The following AGO4 variants were observed in gnomAD, a reference collection of about 807,000 sequenced individuals.
AGO4 encodes the protein protein argonaute-4.
Under a neutral mutation model 104.7 loss-of-function variants are expected in AGO4, and 33 were observed. The ratio of observed to expected loss-of-function variants is 0.32; its 90% CI spans 0.24 to 0.42. The LOEUF (loss-of-function observed/expected upper bound fraction) is 0.42. Ranked by LOEUF, AGO4 falls within the 10% of genes least tolerant of loss-of-function variation. The pLI, the probability that AGO4 is intolerant of heterozygous loss-of-function variation, is 1.00. For synonymous variants in AGO4, 331 were observed against 364.7 expected (o/e 0.91, Z 1.05); for missense variants, 711 against 1,083.4 (o/e 0.66, Z 4.83).
Position 35,853,725 on chromosome 1 carries a change from G to A in AGO4, c.*120G>A. On this transcript the variant is annotated 3_prime_UTR_variant, in exon 18 of 18. Transcript: ENST00000373210. ...CAGGTGGTCTTCTACCAGCAGCTCG[G>A]AATAGTTGCACTGAATCTATACTTT... is the stretch of plus-strand genomic sequence containing the variant. 1.3e-6 allele frequency: 1 copy of A among 756,716 alleles called. No individual in the cohort carries two copies. 46.9% of individuals were successfully genotyped at this position (756,716 alleles called of 1,614,324 possible).
rs1170160157 is a variant in AGO4, at chr1:35,832,039, G to C, written c.1117-18G>C. On this transcript the variant is annotated intron_variant, in intron 9 of 17. Coordinates refer to ENST00000373210, the MANE Select transcript of AGO4 (RefSeq NM_017629.4). Reference sequence around the variant, plus strand: ...TTACTCTCTGGTTTTTATATATGCAGGCTTTCCTGTTCTTTAGGTGAAGAG... The same window carrying C: ...TTACTCTCTGGTTTTTATATATGCACGCTTTCCTGTTCTTTAGGTGAAGAG... 6 of 1,608,088 alleles carry C rather than the reference G, an allele frequency of 3.7e-6. No individual in the cohort carries two copies. The highest frequency in any genetic ancestry group is 5.1e-6 in the Non-Finnish European group (6 of 1,178,442).
At chr1:35,825,599 T>C in intron 4 of AGO4, 80 bp from the exon 5 acceptor site, 1 of 1,534,822 alleles carries the variant, frequency 6.5e-7, no homozygotes, top group South Asian at 1.3e-5. Context: ...TCAAATTTGA[T>C]TTCAGCTCCC....
chr1:35,827,628 A>G (rs1406882116), intron 7 of AGO4, among the ~76,000 whole-genome samples: 2 of 152,130 alleles, frequency 1.3e-5, no homozygotes, highest in African/African-American at 2.4e-5. Context: ...TATTTTTGGT[A>G]GAGGTATTTA....
intron 17 of AGO4, among the ~76,000 whole-genome samples, chr1:35,852,464 T>C (rs12729689): frequency 6.6e-6 from 1 of 152,212 alleles, no homozygotes; most frequent in African/African-American, 2.4e-5. Context: ...AGTTATTATG[T>C]GTCCAAGGTT....
chr1:35,829,700 G>A (rs1644127241), intron 7 of AGO4, among the ~76,000 whole-genome samples: 1 of 151,728 alleles, frequency 6.6e-6, no homozygotes, highest in South Asian at 2.1e-4. Context: ...AGCTGGGCAT[G>A]GTGGCAGGCA....
chr1:35,822,772 A>C, intron 2 of AGO4, 90 bp from the exon 3 acceptor site: 2 of 1,522,418 alleles, frequency 1.3e-6, no homozygotes, highest in Non-Finnish European at 1.8e-6. Context: ...GTAATACTGA[A>C]CCGAATTTAA....
chr1:35,823,677 C>T (rs61776936), intron 3 of AGO4, among the ~76,000 whole-genome samples: 4 of 151,430 alleles, frequency 2.6e-5, no homozygotes, highest in Non-Finnish European at 5.9e-5. Context: ...GTGATCCACC[C>T]GCCTCAGCCT....
chr1:35,814,277 T>C (rs545566117), intron 1 of AGO4, among the ~76,000 whole-genome samples: 7 of 152,292 alleles, frequency 4.6e-5, no homozygotes, highest in Admixed American at 2.6e-4. Flanking sequence ...TTGCATTAGA[T>C]ATTGAGAAGA....
In AGO4 at chr1:35,821,638, CAAAG is replaced by C. The variant is rs1296190959; in HGVS notation, c.186-1221_186-1218del. Among the ~76,000 whole-genome samples, 4 of 152,234 alleles carry C rather than the reference CAAAG, an allele frequency of 2.6e-5. No homozygotes were observed. In the East Asian group the frequency reaches 5.8e-4, roughly 22 times the overall value. On this transcript the variant is annotated intron_variant, in intron 2 of 17. Coordinates refer to ENST00000373210, the MANE Select transcript of AGO4 (RefSeq NM_017629.4). Reference sequence around the variant, plus strand: ...GAGAAAAAGACTTTTATTCTAAAAACAAAGAAGCTATATTAATAATCTTTTTGGA... The same window carrying C: ...GAGAAAAAGACTTTTATTCTAAAAACAAGCTATATTAATAATCTTTTTGGA...
At chr1:35,824,500 A>C (rs1643963828) in intron 3 of AGO4, among the ~76,000 whole-genome samples, 1 of 151,714 alleles carries the variant, frequency 6.6e-6, no homozygotes, top group Non-Finnish European at 1.5e-5. Flanking sequence ...TATAACATAA[A>C]ATTTACTATT....
intron 13 of AGO4, among the ~76,000 whole-genome samples, chr1:35,837,091 G>T (rs1644331705): frequency 6.6e-6 from 1 of 151,904 alleles, no homozygotes; most frequent in Non-Finnish European, 1.5e-5. Context: ...TTGTTTGTTT[G>T]TTTTGTTTTG....
intron 7 of AGO4, among the ~76,000 whole-genome samples, chr1:35,829,287 T>C (rs988363981): frequency 4.6e-5 from 7 of 151,592 alleles, no homozygotes; most frequent in Admixed American, 4.6e-4. Context: ...TTATTTGTAT[T>C]ATACCATTGA....
At chr1:35,820,921 G>A (rs1643875233) in intron 2 of AGO4, among the ~76,000 whole-genome samples, 1 of 151,836 alleles carries the variant, frequency 6.6e-6, no homozygotes, top group Admixed American at 6.6e-5. Context: ...TTCAAGGGAA[G>A]TATTATTATT....
Position 35,808,359 on chromosome 1 carries a change from G to GGCT in AGO4, c.-56_-55insTGC. 1 of 996,322 alleles carries GGCT rather than the reference G, an allele frequency of 1.0e-6. No individual in the cohort carries two copies. Among genetic ancestry groups the GGCT allele is most frequent in the Non-Finnish European group, 1.2e-6 (1 of 833,090 alleles). 61.7% of individuals were successfully genotyped at this position (996,322 alleles called of 1,614,324 possible). A position where few individuals can be genotyped will look rare whatever the true frequency, so the allele number is the denominator to read the frequency against. Reference sequence around the variant, plus strand: ...GTTACGCGGCGGCGGCGGCGGCGGCGGCGGGGCCCGGAGCGGGAGGCGCCG... The same window carrying GGCT: ...GTTACGCGGCGGCGGCGGCGGCGGCGGCTGCGGGGCCCGGAGCGGGAGGCGCCG... On this transcript the variant is annotated 5_prime_UTR_variant, in exon 1 of 18. Transcript: ENST00000373210. This position sits in a 1 kb window ranked among gnomAD's most constrained non-coding sequence, Gnocchi z 5.2.
At chr1:35,812,857 G>A (rs572610701) in intron 1 of AGO4, among the ~76,000 whole-genome samples, 1 of 152,154 alleles carries the variant, frequency 6.6e-6, no homozygotes, top group Non-Finnish European at 1.5e-5. Flanking sequence ...CTTCCAAAGT[G>A]CTGGGATTAC....
chr1:35,835,972 A>G lies in AGO4; in HGVS notation c.1703A>G (p.Asn568Ser), dbSNP rs777978612. Residue 568 changes from asparagine to serine, a missense_variant, in exon 13 of 18, where the codon AAT (asparagine) becomes AGT (serine). Physicochemically the swap from Asn to Ser is conservative, Grantham distance 46. Around this residue, in one of 3 missense-constraint regions of AGO4, gnomAD observed 401 missense variants for 665.5 expected, o/e 0.60. Coordinates refer to ENST00000373210, the MANE Select transcript of AGO4 (RefSeq NM_017629.4). Reference protein sequence around the residue: ...KINAKLGGINNVLVPHQRPSV... With the variant: ...KINAKLGGINSVLVPHQRPSV... ...AATGCAAAACTTGGAGGAATTAACA[A>G]TGTGCTTGTGCCTCATCAAAGGTAA... 16 of 1,613,980 alleles carry G rather than the reference A, an allele frequency of 9.9e-6. No individual in the cohort carries two copies. In the East Asian group the frequency reaches 1.1e-4, roughly 11 times the overall value.
chr1:35,844,083 C>G (rs920965722), intron 15 of AGO4, among the ~76,000 whole-genome samples: 2 of 152,112 alleles, frequency 1.3e-5, no homozygotes, highest in African/African-American at 4.8e-5. Context: ...CTCTGTCACC[C>G]AGGGTGGAGT....
rs934599979 is a variant in AGO4 at position 35,841,830 on chromosome 1, A to G, written c.2175+80A>G. On this transcript the variant is annotated intron_variant, in intron 15 of 17. Transcript: ENST00000373210. The surrounding 1 kb of genome is among the most constrained non-coding windows in gnomAD (Gnocchi z 4.7). ...TATGCACATATATATATATATATAT[A>G]TATATATACACCATTTTTATACAAT... is the stretch of plus-strand genomic sequence containing the variant. 23 of 839,596 alleles carry G rather than the reference A, an allele frequency of 2.7e-5. 1 individual carries two copies. The African/African-American group carries it at 3.1e-4, about 11-fold the overall frequency. The allele number at this position is 839,596 out of a possible 1,614,324, so 52.0% of individuals were successfully genotyped here. A position where few individuals can be genotyped will look rare whatever the true frequency, so the allele number is the denominator to read the frequency against.
intron 13 of AGO4, 102 bp downstream of exon 13, chr1:35,836,095 C>T (rs1160951612): frequency 1.6e-6 from 2 of 1,281,866 alleles, no homozygotes; most frequent in South Asian, 1.4e-5. Flanking sequence ...TACCTTTTCT[C>T]TTGTATATAT....
Sources: gnomAD v4.1 joint callset for allele counts (sites outside exome capture counted in the v4.1 genomes callset) on GRCh38, gnomAD v4.1.1 for gene constraint, gnomAD v4.1.1 regional missense constraint, Gnocchi (gnomAD v3.1) non-coding constraint, MANE v1.5 for transcripts, NCBI Gene and HGNC (gene_info 2026-07-23, HGNC 2026-07-21) for gene names.